Variants in RBM19 observed in about 807,000 individuals in gnomAD.
RBM19 encodes the protein RNA binding motif protein 19.
RBM19 carries 94 observed loss-of-function variants against 116.8 expected under a neutral mutation model. That is an observed-to-expected ratio of 0.80 (90% CI 0.68 to 0.95). The LOEUF is 0.95. RBM19 is among the 40% of genes least tolerant of loss of function. The probability of loss-of-function intolerance (pLI) is 0.00; values close to 1 mark genes in which losing one functional copy is unlikely to be tolerated. For missense variants in RBM19, 1,161 were observed against 1,220.7 expected, an observed-to-expected ratio of 0.95 and a Z score of 0.73; for synonymous variants, 475 against 494.1, an observed-to-expected ratio of 0.96 and a Z score of 0.51.
Position 113,844,711 on chromosome 12 carries a change from C to G in RBM19, c.2742G>C (p.Val914=), listed in dbSNP as rs1876802394. ...RLVLEWADSE[V]TLQALRRKTA... Reference sequence around the variant, plus strand: ...TCTTCCGCCGCAGGGCCTGCAGGGTCACCTCGGAGTCGGCCCACTCCAGCA... The same window carrying G: ...TCTTCCGCCGCAGGGCCTGCAGGGTGACCTCGGAGTCGGCCCACTCCAGCA... Residue 914 remains valine (V), a synonymous_variant, in exon 23 of 24, where the codon GTG becomes GTC. Transcript: ENST00000261741. The G allele has an allele frequency of 6.2e-7, 1 of 1,613,052 alleles. No homozygotes were observed.
In RBM19 at chr12:113,875,101, G is replaced by A. The variant is rs563113729; in HGVS notation, c.2559-16205C>T. Among the ~76,000 whole-genome samples, 4 of 152,372 alleles carry A rather than the reference G, an allele frequency of 2.6e-5. No individual in the cohort carries two copies. The East Asian group carries it at 5.8e-4, about 22-fold the overall frequency. On this transcript the variant is annotated intron_variant, in intron 21 of 23. Transcript: ENST00000261741. ...AAGCGGCGAAGCCACGGTGCGGACCGTTCGACAGAAAGCGTTGGAGGCCTC... is the reference window on the plus strand; with the variant it reads ...AAGCGGCGAAGCCACGGTGCGGACCATTCGACAGAAAGCGTTGGAGGCCTC...
chr12:113,926,957 G>T (rs1317410610), intron 17 of RBM19, 97 bp downstream of exon 17: 5 of 1,353,610 alleles, frequency 3.7e-6, no homozygotes, highest in Non-Finnish European at 5.1e-6. Flanking sequence ...ATATTAACAC[G>T]CATCATGTTT....
chr12:113,899,470 A>G (rs1284582834), intron 21 of RBM19, among the ~76,000 whole-genome samples: 2 of 152,234 alleles, frequency 1.3e-5, no homozygotes, highest in Non-Finnish European at 2.9e-5. Flanking sequence ...CAGAGAACTC[A>G]TCAGACCAAG....
rs1478519532 is a variant in RBM19, at chr12:113,898,298, T to C, written c.2558+16671A>G. Among the ~76,000 whole-genome samples, 1 of 152,298 alleles carries C rather than the reference T, an allele frequency of 6.6e-6. No individual in the cohort carries two copies. The highest frequency in any genetic ancestry group is 1.9e-4 in the East Asian group (1 of 5,190). ...CTAATTTTTAATACGTGTACATACA[T>C]GTGTATCATGATAGAACCGTGAAGA... is the stretch of plus-strand genomic sequence containing the variant. On this transcript the variant is annotated intron_variant, in intron 21 of 23. Transcript: ENST00000261741. The surrounding 1 kb of genome is among the most constrained non-coding windows in gnomAD (Gnocchi z 4.3).
intron 22 of RBM19, among the ~76,000 whole-genome samples, chr12:113,846,104 A>G (rs1342033453): frequency 4.6e-5 from 7 of 152,220 alleles, no homozygotes; most frequent in African/African-American, 1.2e-4. Context: ...CTCTCAGCAG[A>G]CAGCTTTCGG....
downstream of RBM19, among the ~76,000 whole-genome samples, chr12:113,821,306 C>A (rs1371254982): frequency 6.6e-6 from 1 of 152,202 alleles, no homozygotes; most frequent in Non-Finnish European, 1.5e-5. Context: ...CGTGGGTCTA[C>A]ACCTGAGTTT....
Position 113,962,248 on chromosome 12 carries a change from T to A in RBM19, c.203A>T (p.Asp68Val). ...AQKHFNKSFI[D>V]TSRITVEFCK... The stretch of plus-strand genomic sequence containing the variant: ...CCCACTCACTGTGATCCGGGATGTG[T>A]CGATGAAGCTCTTGTTGAAATGCTT... The change falls in exon 2 of 24, where the codon GAC becomes GTC. Residue 68 changes from aspartate (D) to valine (V), a missense_variant. Coordinates refer to ENST00000261741, the MANE Select transcript of RBM19 (RefSeq NM_016196.4). 6.2e-7 allele frequency: 1 copy of A among 1,614,244 alleles called. No homozygotes were observed. Among genetic ancestry groups the A allele is most frequent in the Non-Finnish European group, 8.5e-7 (1 of 1,180,028 alleles).
At chr12:113,856,905 G>T (rs955765581) in intron 22 of RBM19, among the ~76,000 whole-genome samples, 1 of 152,198 alleles carries the variant, frequency 6.6e-6, no homozygotes, top group Non-Finnish European at 1.5e-5. Flanking sequence ...GGAAACTGAG[G>T]CACACAGAAA....
intron 21 of RBM19, among the ~76,000 whole-genome samples, chr12:113,868,593 G>A (rs1304451216): frequency 6.6e-6 from 1 of 152,168 alleles, no homozygotes; most frequent in Non-Finnish European, 1.5e-5. Flanking sequence ...ATTTCTCTGG[G>A]AAAGGAAAAG....
chr12:113,877,296 G>GT (rs1423156357), intron 21 of RBM19, among the ~76,000 whole-genome samples: 3 of 150,470 alleles, frequency 2.0e-5, no homozygotes, highest in Non-Finnish European at 4.4e-5. Flanking sequence ...ACAGTACATT[G>GT]CGGGGGGGTC....
chr12:113,939,516 G>A (rs576162627), intron 15 of RBM19, among the ~76,000 whole-genome samples: 68 of 151,592 alleles, frequency 4.5e-4, no homozygotes, highest in Non-Finnish European at 9.3e-4. Flanking sequence ...TTGGGAGGCT[G>A]AGGCGGGCGG....
intron 21 of RBM19, among the ~76,000 whole-genome samples, chr12:113,879,814 C>T (rs1019501656): frequency 3.9e-5 from 6 of 152,170 alleles, no homozygotes; most frequent in African/African-American, 1.4e-4. Flanking sequence ...CCTCCTCCAC[C>T]CCAGCTTGTA....
chr12:113,899,261 A>T (rs1881528633), intron 21 of RBM19, among the ~76,000 whole-genome samples: 3 of 152,172 alleles, frequency 2.0e-5, no homozygotes, highest in African/African-American at 7.2e-5. Context: ...CAGGGCTGGG[A>T]GTCACAGCCT....
intron 20 of RBM19, 98 bp downstream of exon 20, chr12:113,918,294 G>C: frequency 8.7e-7 from 1 of 1,144,458 alleles, no homozygotes; most frequent in South Asian, 1.2e-5. Flanking sequence ...TAGGTGGAAA[G>C]GACATTGAAG....
chr12:113,852,057 A>T (rs1877499157), intron 22 of RBM19, among the ~76,000 whole-genome samples: 1 of 152,152 alleles, frequency 6.6e-6, no homozygotes. Context: ...TCAAAAAAAA[A>T]AAAATTATTT....
intron 2 of RBM19, among the ~76,000 whole-genome samples, chr12:113,960,535 T>A (rs547828649): frequency 2.0e-4 from 30 of 152,274 alleles, no homozygotes; most frequent in African/African-American, 7.0e-4. Context: ...AATTGGAGCA[T>A]CAAGAAGTCA....
intron 15 of RBM19, among the ~76,000 whole-genome samples, chr12:113,939,267 C>T (rs1334751010): frequency 6.6e-6 from 1 of 152,128 alleles, no homozygotes; most frequent in Non-Finnish European, 1.5e-5. Flanking sequence ...GATGGCGCCA[C>T]TGCACTGTAG....
chr12:113,878,827 A>G (rs1218189447), intron 21 of RBM19, among the ~76,000 whole-genome samples: 5 of 75,206 alleles, frequency 6.6e-5, no homozygotes, highest in Middle Eastern at 4.9e-3. Context: ...CAAAGAATTG[A>G]AAAAAAAAAA....
rs539386806 is a variant in RBM19 at position 113,953,151 on chromosome 12, A to G, written c.922-561T>C. ...GAGTACCAGAACAGATAAAGACTTC[A>G]AGAGAAAAAAGGGCAAAAGACATGA... On this transcript the variant is annotated intron_variant, in intron 7 of 23. Transcript: ENST00000261741. Among the ~76,000 whole-genome samples, 5 of 152,354 alleles carry G rather than the reference A, an allele frequency of 3.3e-5. No homozygotes were observed. The South Asian group carries it at 1.0e-3, about 32-fold the overall frequency.
Sources: allele counts gnomAD v4.1 joint callset (sites outside exome capture counted in the v4.1 genomes callset), GRCh38; gene constraint gnomAD v4.1.1; non-coding constraint Gnocchi (gnomAD v3.1); transcripts MANE v1.5; gene names NCBI Gene and HGNC (gene_info 2026-07-23, HGNC 2026-07-21).